SYT16: variants seen among roughly 807,000 people sequenced by gnomAD.
The protein encoded by SYT16 is synaptotagmin-16.
Under a neutral mutation model 61.4 loss-of-function variants are expected in SYT16, and 42 were observed. That is an observed-to-expected ratio of 0.68 (90% CI 0.53 to 0.89). The LOEUF is 0.89. SYT16 is among the 40% of genes least tolerant of loss of function. The pLI, the probability that SYT16 is intolerant of heterozygous loss-of-function variation, is 0.00. For missense variants in SYT16, 804 were observed against 807.3 expected (o/e 1.00, Z 0.05); for synonymous variants, 314 against 302.3 (o/e 1.04, Z -0.40).
At chr14:61,888,171 G>A (rs1402115259) in intron 1 of SYT16, among the ~76,000 whole-genome samples, 1 of 141,698 alleles carries the variant, frequency 7.1e-6, no homozygotes, top group Non-Finnish European at 1.5e-5. Context: ...GTCACCCAGT[G>A]CAGTGGCGTG....
At chr14:61,903,344 T>C (rs2048588267) in intron 1 of SYT16, among the ~76,000 whole-genome samples, 1 of 152,162 alleles carries the variant, frequency 6.6e-6, no homozygotes, top group African/African-American at 2.4e-5. Flanking sequence ...ATGCATGGTT[T>C]CCCCCAGTAG....
At chr14:62,011,955 A>G (rs1053491660) in intron 3 of SYT16, among the ~76,000 whole-genome samples, 10 of 144,126 alleles carry the variant, frequency 6.9e-5, no homozygotes, top group Non-Finnish European at 1.2e-4. Context: ...GATGCTGTGC[A>G]TCATCTGTCA....
intron 1 of SYT16, among the ~76,000 whole-genome samples, chr14:61,858,974 C>T (rs2140283840): frequency 6.6e-6 from 1 of 151,742 alleles, no homozygotes; most frequent in South Asian, 2.1e-4. Context: ...CCTGCCTCAG[C>T]CTCCCGAGTA....
At chr14:61,999,991 T>C (rs1175761740) in intron 3 of SYT16, among the ~76,000 whole-genome samples, 1 of 151,664 alleles carries the variant, frequency 6.6e-6, no homozygotes, top group Non-Finnish European at 1.5e-5. Context: ...GGATATTTCA[T>C]GTGCACTTGA....
chr14:62,022,261 GT>G (rs1247003067), intron 3 of SYT16, among the ~76,000 whole-genome samples: 2 of 151,974 alleles, frequency 1.3e-5, no homozygotes, highest in African/African-American at 4.8e-5. Context: ...GCATATATGT[GT>G]TTGAAATGTA....
intron 3 of SYT16, among the ~76,000 whole-genome samples, chr14:62,015,236 C>A (rs72718561): frequency 0.44 from 67,333 of 151,456 alleles, 15,296 homozygotes; most frequent in East Asian, 0.71. Context: ...TATGCTTTCC[C>A]AATAATTTTT....
chr14:61,945,573 G>A (rs533756825), intron 1 of SYT16, among the ~76,000 whole-genome samples: 70 of 151,290 alleles, frequency 4.6e-4, no homozygotes, highest in Non-Finnish European at 9.2e-4. Flanking sequence ...GGATGAGTTG[G>A]GGCCAGGCGC....
chr14:62,098,579 G>T (rs2057338161), intron 7 of SYT16, among the ~76,000 whole-genome samples: 1 of 152,166 alleles, frequency 6.6e-6, no homozygotes, highest in Admixed American at 6.5e-5. Flanking sequence ...TAGCTTTATT[G>T]CACAAGTTTG....
At chr14:62,042,812 C>T (rs1031018525) in intron 3 of SYT16, among the ~76,000 whole-genome samples, 7 of 152,128 alleles carry the variant, frequency 4.6e-5, no homozygotes, top group African/African-American at 1.4e-4. Context: ...GGGAAACCAC[C>T]CCAGCCTTGT....
chr14:61,964,702 C>T (rs775527241), intron 1 of SYT16, among the ~76,000 whole-genome samples: 1 of 152,068 alleles, frequency 6.6e-6, no homozygotes, highest in Non-Finnish European at 1.5e-5. Context: ...TCTCAAACAG[C>T]ATCATATGCT....
At chr14:62,059,212 C>G (rs1242466146) in intron 3 of SYT16, among the ~76,000 whole-genome samples, 1 of 152,026 alleles carries the variant, frequency 6.6e-6, no homozygotes, top group Non-Finnish European at 1.5e-5. Flanking sequence ...ACACGTACCC[C>G]TGAACTTAAA....
intron 1 of SYT16, among the ~76,000 whole-genome samples, chr14:61,924,296 A>G (rs1316604222): frequency 4.6e-5 from 7 of 152,222 alleles, no homozygotes; most frequent in Admixed American, 1.3e-4. Flanking sequence ...ATTTGAGGGT[A>G]TATGAGACCT....
chr14:62,060,511 A>T (rs2055778953), intron 3 of SYT16, among the ~76,000 whole-genome samples: 1 of 148,638 alleles, frequency 6.7e-6, no homozygotes, highest in Non-Finnish European at 1.5e-5. Flanking sequence ...GGATGGTGAA[A>T]TTTTTTTTTT....
At chr14:61,982,632 A>G (rs2052133909) in intron 2 of SYT16, among the ~76,000 whole-genome samples, 1 of 152,126 alleles carries the variant, frequency 6.6e-6, no homozygotes, top group Non-Finnish European at 1.5e-5. Context: ...GCCAAACCAT[A>G]TCAGTGGGTC....
intron 7 of SYT16, among the ~76,000 whole-genome samples, chr14:62,096,135 A>G (rs1029629350): frequency 1.6e-4 from 24 of 152,116 alleles, no homozygotes; most frequent in Non-Finnish European, 1.5e-4. Flanking sequence ...GATTCAGAAG[A>G]TAATATGGGA....
At chr14:62,006,929 T>G (rs967345076) in intron 3 of SYT16, among the ~76,000 whole-genome samples, 3 of 152,172 alleles carry the variant, frequency 2.0e-5, no homozygotes, top group Non-Finnish European at 4.4e-5. Context: ...CATATAGAAC[T>G]TTAGAAACAA....
rs115771668 is a variant in SYT16 at position 61,918,870 on chromosome 14, A to C, written c.-324-51262A>C. ...AGAGAAAATTATTAGTGTTGCAAGC[A>C]TGTAGGCAAGGCATTTCTAGGTGCC... is the stretch of plus-strand genomic sequence containing the variant. On this transcript the variant is annotated intron_variant, in intron 1 of 7. Transcript: ENST00000683842. 3.6e-3 allele frequency among the ~76,000 whole-genome samples: 546 copies of C among 152,302 alleles called. 2 individuals are homozygous for C. Among genetic ancestry groups the C allele is most frequent in the African/African-American group, 0.013 (524 of 41,570 alleles).
chr14:61,894,146 A>T (rs2048237874), intron 1 of SYT16, among the ~76,000 whole-genome samples: 1 of 152,094 alleles, frequency 6.6e-6, no homozygotes, highest in Non-Finnish European at 1.5e-5. Context: ...TTAGCCGGGC[A>T]TTGTGGCAGG....
chr14:61,834,139 TA>T (rs1357983784), intron 1 of SYT16, among the ~76,000 whole-genome samples: 12 of 152,096 alleles, frequency 7.9e-5, no homozygotes, highest in African/African-American at 2.7e-4. Context: ...GATTCACATT[TA>T]TTTTTTTTGA....
Sources: gnomAD v4.1 joint callset for allele counts (sites outside exome capture counted in the v4.1 genomes callset) on GRCh38, gnomAD v4.1.1 for gene constraint, MANE v1.5 for transcripts, NCBI Gene and HGNC (gene_info 2026-07-23, HGNC 2026-07-21) for gene names.